ARB2A: variants seen among roughly 807,000 people sequenced by gnomAD.
ARB2A encodes the protein ARB2 cotranscriptional regulator A, also known as cotranscriptional regulator ARB2A.
the ARB2A span, among the ~76,000 whole-genome samples, chr5:93,920,675 C>A: frequency 7.9e-5 from 12 of 152,192 alleles, no homozygotes; most frequent in Admixed American, 6.5e-4. Context: ...TGCACACAAG[C>A]ACTTACACAC....
At chr5:93,863,364 T>C in the ARB2A span, 1 of 152,058 alleles carries the variant, frequency 6.6e-6, no homozygotes, top group Non-Finnish European at 1.5e-5. Flanking sequence ...TGGGCCATCT[T>C]TCCACCTCAG....
the ARB2A span, among the ~76,000 whole-genome samples, chr5:94,037,968 GT>G: frequency 6.6e-6 from 1 of 152,020 alleles, no homozygotes; most frequent in Non-Finnish European, 1.5e-5. Flanking sequence ...GTTTTTATAA[GT>G]GTGATCCTAT....
the ARB2A span, among the ~76,000 whole-genome samples, chr5:93,901,152 C>T: frequency 3.9e-5 from 6 of 152,146 alleles, no homozygotes; most frequent in Admixed American, 6.5e-5. Flanking sequence ...AATCCGCAAC[C>T]ACATTTGAAA....
chr5:93,943,450 A>C, the ARB2A span, among the ~76,000 whole-genome samples: 1 of 152,152 alleles, frequency 6.6e-6, no homozygotes, highest in Admixed American at 6.5e-5. Context: ...GCCCTTAAAC[A>C]AGAATCTTTT....
At chr5:93,999,703 T>C in the ARB2A span, among the ~76,000 whole-genome samples, 1 of 152,006 alleles carries the variant, frequency 6.6e-6, no homozygotes, top group Non-Finnish European at 1.5e-5. Context: ...ATAGTTACCT[T>C]AGGGTTCAAT....
chr5:93,784,344 C>T, the ARB2A span: 1 of 1,449,684 alleles, frequency 6.9e-7, no homozygotes, highest in Non-Finnish European at 9.7e-7. Context: ...TAAAGGCTCA[C>T]ACCCATTCAT....
At chr5:94,032,226 A>C in the ARB2A span, among the ~76,000 whole-genome samples, 1 of 152,080 alleles carries the variant, frequency 6.6e-6, no homozygotes, top group Non-Finnish European at 1.5e-5. Context: ...TAAAGAAAAG[A>C]GATTTAATTG....
At chr5:94,110,084 C>T in the ARB2A span, among the ~76,000 whole-genome samples, 158 of 152,134 alleles carry the variant, frequency 1.0e-3, no homozygotes, top group African/African-American at 3.4e-3. Context: ...CGGGGTTCAC[C>T]GTGTTGCCCA....
chr5:93,881,365 CAAAT>C, the ARB2A span: 1 of 857,540 alleles, frequency 1.2e-6, no homozygotes, highest in East Asian at 2.8e-5. Context: ...TAAATGATGA[CAAAT>C]AAAAAAATTA....
the ARB2A span, among the ~76,000 whole-genome samples, chr5:93,694,199 C>T: frequency 6.6e-6 from 1 of 152,052 alleles, no homozygotes; most frequent in African/African-American, 2.4e-5. Flanking sequence ...GGAGATCAGG[C>T]AAGAGAAAGA....
the ARB2A span, chr5:93,964,519 A>G: frequency 6.3e-7 from 1 of 1,578,252 alleles, no homozygotes; most frequent in Non-Finnish European, 8.6e-7. Context: ...ATACTTCGTG[A>G]TGATCTAAGT....
chr5:94,018,284 G>A, the ARB2A span, among the ~76,000 whole-genome samples: 1 of 152,170 alleles, frequency 6.6e-6, no homozygotes, highest in Non-Finnish European at 1.5e-5. Flanking sequence ...CCAATACTCA[G>A]TGACTGATCT....
the ARB2A span, among the ~76,000 whole-genome samples, chr5:93,831,292 C>T: frequency 2.3e-5 from 2 of 86,622 alleles, no homozygotes; most frequent in Non-Finnish European, 2.4e-5. Flanking sequence ...TCAAGCCACT[C>T]CGCTGCTAAA....
At chr5:93,964,532 G>C in the ARB2A span, 9 of 1,555,864 alleles carry the variant, frequency 5.8e-6, 1 homozygote, top group South Asian at 1.1e-4. Flanking sequence ...ATCTAAGTAG[G>C]AAAGAAATAA....
the ARB2A span, among the ~76,000 whole-genome samples, chr5:94,025,195 C>G: frequency 1.3e-5 from 2 of 152,186 alleles, no homozygotes; most frequent in Non-Finnish European, 2.9e-5. Context: ...TAACAAAATA[C>G]CAGGTACACA....
chr5:93,771,162 C>T, the ARB2A span, among the ~76,000 whole-genome samples: 1 of 152,036 alleles, frequency 6.6e-6, no homozygotes, highest in Middle Eastern at 3.4e-3. Flanking sequence ...ATATCTACAA[C>T]TATCTGATCT....
chr5:93,863,274 C>CT, the ARB2A span: 34 of 150,726 alleles, frequency 2.3e-4, no homozygotes, highest in South Asian at 2.1e-3. Flanking sequence ...ATTTCAGTGC[C>CT]TTTTTTTTTA....
chr5:94,068,284 C>T, the ARB2A span, among the ~76,000 whole-genome samples: 2 of 152,178 alleles, frequency 1.3e-5, no homozygotes, highest in South Asian at 2.1e-4. Context: ...GGAACAATGG[C>T]GAGCCTCTAG....
the ARB2A span, among the ~76,000 whole-genome samples, chr5:93,768,490 A>T: frequency 2.9e-4 from 43 of 150,148 alleles, no homozygotes; most frequent in African/African-American, 9.0e-4. Flanking sequence ...TGTATATAAA[A>T]GTATACGCTA....
Sources: allele counts gnomAD v4.1 joint callset (sites outside exome capture counted in the v4.1 genomes callset), GRCh38; gene constraint gnomAD v4.1.1; transcripts MANE v1.5; gene names NCBI Gene and HGNC (gene_info 2026-07-23, HGNC 2026-07-21).